BCORL1: variants seen among roughly 807,000 people sequenced by gnomAD.
BCORL1 encodes the protein BCL-6 corepressor-like protein 1.
BCORL1 carries 7 observed loss-of-function variants against 87.6 expected under a neutral mutation model. The observed-to-expected ratio is 0.08, with a 90% CI of 0.05 to 0.15. The LOEUF (loss-of-function observed/expected upper bound fraction) is 0.15, where lower values mean the gene tolerates loss of function less well. BCORL1 is among the 10% of genes least tolerant of loss of function. The pLI, the probability that BCORL1 is intolerant of heterozygous loss-of-function variation, is 1.00. For missense variants in BCORL1, 1,215 were observed against 1,499.7 expected, an observed-to-expected ratio of 0.81 and a Z score of 3.13; for synonymous variants, 591 against 634.4, an observed-to-expected ratio of 0.93 and a Z score of 1.03.
In BCORL1 at chrX:129,994,333, G is replaced by T. The variant is rs749527892; in HGVS notation, c.-44-10855G>T. Among the ~76,000 whole-genome samples the T allele has an allele frequency of 3.6e-5, 4 of 111,981 alleles. No homozygotes were observed. The South Asian group carries it at 1.5e-3, about 42-fold the overall frequency. On this transcript the variant is annotated intron_variant, in intron 1 of 13. Transcript: ENST00000540052. ...TCTGTTTAATATTGCTGCTGTTTGA[G>T]TAGATTGTTCTGAATGGATTTTGGA...
At chrX:130,005,616 A>ATT (rs200566885) in intron 2 of BCORL1, among the ~76,000 whole-genome samples, 1 of 106,445 alleles carries the variant, frequency 9.4e-6, no homozygotes, top group African/African-American at 3.4e-5. Flanking sequence ...GGCAATGGCA[A>ATT]TTTTTTTTTT....
intron 1 of BCORL1, among the ~76,000 whole-genome samples, chrX:129,983,479 C>T (rs889256154): frequency 9.4e-6 from 1 of 106,180 alleles, no homozygotes; most frequent in Non-Finnish European, 2.0e-5. Flanking sequence ...AGAAAATGCC[C>T]TCCAACCTCA....
intron 13 of BCORL1, among the ~76,000 whole-genome samples, chrX:130,053,857 C>T (rs773186310): frequency 1.8e-5 from 2 of 112,149 alleles, no homozygotes; most frequent in South Asian, 7.5e-4. Flanking sequence ...GGGCTTTTTT[C>T]CATTCTTTGG....
At chrX:129,991,254 T>C (rs1447933624) in intron 1 of BCORL1, among the ~76,000 whole-genome samples, 2 of 111,205 alleles carry the variant, frequency 1.8e-5, no homozygotes, top group African/African-American at 6.5e-5. Flanking sequence ...GTAGCTGGGA[T>C]TATAGGCACC....
chrX:130,026,015 T>G (rs1374751915), intron 7 of BCORL1, among the ~76,000 whole-genome samples: 1 of 111,568 alleles, frequency 9.0e-6, no homozygotes, highest in African/African-American at 3.3e-5. Context: ...TCTGACCACA[T>G]CAAATGCTGT....
intron 1 of BCORL1, among the ~76,000 whole-genome samples, chrX:129,994,877 A>C (rs1321138140): frequency 8.9e-6 from 1 of 111,972 alleles, no homozygotes; most frequent in Non-Finnish European, 1.9e-5. Context: ...GAACAGCAGA[A>C]AGGGCTGTTC....
At chrX:129,982,926 C>G (rs1926239874) in intron 1 of BCORL1, among the ~76,000 whole-genome samples, 164 bp downstream of exon 1, 1 of 109,629 alleles carries the variant, frequency 9.1e-6, no homozygotes, top group Admixed American at 9.6e-5. Context: ...ATCCCTCCAC[C>G]CCTTTTGACT....
At chrX:130,004,578 T>C (rs1479436308) in intron 1 of BCORL1, among the ~76,000 whole-genome samples, 1 of 112,171 alleles carries the variant, frequency 8.9e-6, no homozygotes, top group African/African-American at 3.2e-5. Flanking sequence ...CGTTGTTTTC[T>C]GTTTGTTTGC....
chrX:129,995,057 C>T (rs1459851219), intron 1 of BCORL1, among the ~76,000 whole-genome samples: 1 of 110,219 alleles, frequency 9.1e-6, no homozygotes, highest in Non-Finnish European at 1.9e-5. Flanking sequence ...TCAGGCTAGA[C>T]TGCAGTGGCA....
Position 130,009,465 on chromosome X carries a change from G to T in BCORL1, c.87-3113G>T, listed in dbSNP as rs543982004. On this transcript the variant is annotated intron_variant, in intron 2 of 13. Coordinates refer to ENST00000540052, the MANE Select transcript of BCORL1 (RefSeq NM_001379451.1). ...AGAGAGAAACTCTGTCTAAAAGAAAGAAAAAAAAAAAAAAAAAGCACAGTG... is the reference window on the plus strand; with the variant it reads ...AGAGAGAAACTCTGTCTAAAAGAAATAAAAAAAAAAAAAAAAAGCACAGTG... Among the ~76,000 whole-genome samples the T allele has an allele frequency of 3.9e-4, 20 of 50,930 alleles. No individual in the cohort carries two copies. The South Asian group carries it at 0.021, about 52-fold the overall frequency. The allele number at this position is 50,930 out of a possible 115,157, so 44.2% of individuals were successfully genotyped here.
intron 1 of BCORL1, among the ~76,000 whole-genome samples, chrX:129,996,905 C>A (rs1921489232): frequency 9.0e-6 from 1 of 111,702 alleles, no homozygotes; most frequent in Admixed American, 9.5e-5. Context: ...GGACATGAGC[C>A]CATGCCTGGC....
intron 8 of BCORL1, among the ~76,000 whole-genome samples, chrX:130,033,238 C>G (rs1189250554): frequency 9.0e-6 from 1 of 110,743 alleles, no homozygotes; most frequent in Non-Finnish European, 1.9e-5. Flanking sequence ...TGTACCACCA[C>G]GCCCAGCTGA....
At chrX:130,033,085 T>TC (rs1491572531) in intron 8 of BCORL1, among the ~76,000 whole-genome samples, 2 of 90,514 alleles carry the variant, frequency 2.2e-5, no homozygotes, top group African/African-American at 4.7e-5. Flanking sequence ...TTCTTCTCTC[T>TC]TTTTTTTTTT....
chrX:130,055,907 C>T lies in BCORL1; in HGVS notation c.5129C>T (p.Ser1710Leu), dbSNP rs745909504. 1.8e-5 allele frequency: 22 copies of T among 1,210,630 alleles called. No individual in the cohort carries two copies. The highest frequency in any genetic ancestry group is 5.3e-5 in the South Asian group (3 of 56,817). ...GTCTTGAAGAGGCTGAAGCTTTCCT[C>T]GAGGATCTTTCAGGCCCGGTTCCCG... ...SDVLKRLKLS[S>L]RIFQARFPHF... The change falls in exon 14 of 14, where the codon TCG (serine) becomes TTG (leucine). Residue 1710 changes from serine (S) to leucine (L), a missense_variant. Ser to Leu is a moderately radical substitution (Grantham distance 145). Around this residue, in one of 5 missense-constraint regions of BCORL1, gnomAD observed 129 missense variants for 157.5 expected, o/e 0.82. Coordinates refer to ENST00000540052, the MANE Select transcript of BCORL1 (RefSeq NM_001379451.1).
intron 2 of BCORL1, among the ~76,000 whole-genome samples, chrX:130,005,959 AAGTT>A (rs1928458608): frequency 9.0e-6 from 1 of 110,833 alleles, no homozygotes; most frequent in Admixed American, 9.6e-5. Context: ...TGCTGCATCA[AAGTT>A]TGGTGCTCAA....
chrX:129,987,409 C>T (rs1235029514), intron 1 of BCORL1, among the ~76,000 whole-genome samples: 3 of 112,033 alleles, frequency 2.7e-5, no homozygotes, highest in African/African-American at 9.7e-5. Context: ...AAAATCTTGC[C>T]TTTGATAGCC....
In BCORL1 at chrX:130,013,750, G is replaced by A. The variant is rs755069280; in HGVS notation, c.978G>A (p.Pro326=). 11 of 1,188,890 alleles carry A rather than the reference G, an allele frequency of 9.3e-6. No homozygotes were observed. The highest frequency in any genetic ancestry group is 1.8e-5 in the South Asian group (1 of 54,556). The stretch of plus-strand genomic sequence containing the variant: ...AGGCTCCTGTGCCCCCTTCAGCTCC[G>A]ACCTTGGTTCTCGCTCCCGTCCCCA... ...LIQAPVPPSA[P]TLVLAPVPTP... Residue 326 remains proline (P), a synonymous_variant, in exon 4 of 14, where the codon CCG becomes CCA. Coordinates refer to ENST00000540052, the MANE Select transcript of BCORL1 (RefSeq NM_001379451.1).
rs1339323716 is a variant in BCORL1, at chrX:130,057,531, C to T, written c.*1395C>T. ...CAATCCTTGTAGAGTATGTACCATC[C>T]AAAGGCAGGAGGGCCTCGCCGTGGC... On this transcript the variant is annotated 3_prime_UTR_variant, in exon 14 of 14. Coordinates refer to ENST00000540052, the MANE Select transcript of BCORL1 (RefSeq NM_001379451.1). The T allele has an allele frequency of 4.5e-5, 5 of 111,106 alleles. No homozygotes were observed. The allele number at this position is 111,106 out of a possible 1,213,427, so 9.2% of individuals were successfully genotyped here.
upstream of BCORL1, chrX:129,981,090 G>C (rs1326086275): frequency 8.9e-6 from 1 of 111,869 alleles, no homozygotes; most frequent in Non-Finnish European, 1.9e-5. Context: ...GCCGCCTCAC[G>C]CGCACAAATG....
Sources: allele counts gnomAD v4.1 joint callset (sites outside exome capture counted in the v4.1 genomes callset), GRCh38; gene constraint gnomAD v4.1.1; regional missense constraint gnomAD v4.1.1; transcripts MANE v1.5; gene names NCBI Gene and HGNC (gene_info 2026-07-23, HGNC 2026-07-21).